Variants in ILKAP observed in about 807,000 individuals in gnomAD.
The protein encoded by ILKAP is integrin-linked kinase-associated serine/threonine phosphatase 2C.
Under a neutral mutation model 49.1 loss-of-function variants are expected in ILKAP, and 11 were observed. That is an observed-to-expected ratio of 0.22 (90% confidence interval 0.14 to 0.37). The LOEUF (loss-of-function observed/expected upper bound fraction) is 0.37, where lower values mean the gene tolerates loss of function less well. ILKAP is among the 10% of genes least tolerant of loss of function. The pLI is 1.00. For synonymous variants in ILKAP, 186 were observed against 192.8 expected, an observed-to-expected ratio of 0.96 and a Z score of 0.29; for missense variants, 363 against 510.8, an observed-to-expected ratio of 0.71 and a Z score of 2.79.
Position 238,173,568 on chromosome 2 carries a change from C to G in ILKAP, c.922G>C (p.Asp308His), listed in dbSNP as rs202222193. Residue 308 changes from aspartate (D) to histidine (H), a missense_variant, in exon 10 of 12, where the codon GAC (aspartate) becomes CAC (histidine). Physicochemically the swap from Asp to His is moderately conservative, Grantham distance 81. Around this residue, in one of 3 missense-constraint regions of ILKAP, gnomAD observed 166 missense variants for 307.3 expected, o/e 0.54. Transcript: ENST00000254654. ...GGGGTCAGCTGGCAGCGTCTGATGT[C>G]GGGCACAGAGGTGACACCGCAGCGC... ...YKRCGVTSVP[D>H]IRRCQLTPND... is the part of the protein sequence containing the mutation. 6.2e-7 allele frequency: 1 copy of G among 1,613,710 alleles called. No individual in the cohort carries two copies. The highest frequency in any genetic ancestry group is 8.5e-7 in the Non-Finnish European group (1 of 1,179,800).
intron 7 of ILKAP, 54 bp downstream of exon 7, chr2:238,183,966 T>A: frequency 8.4e-7 from 1 of 1,186,560 alleles, no homozygotes; most frequent in East Asian, 2.3e-5. Flanking sequence ...TGAAATGCAT[T>A]TAGGAAAACA....
chr2:238,184,590 C>T (rs142726658), intron 6 of ILKAP, among the ~76,000 whole-genome samples: 402 of 152,110 alleles, frequency 2.6e-3, no homozygotes, highest in Non-Finnish European at 3.9e-3. Flanking sequence ...GACTGGGTCT[C>T]ACTCTGTCAC....
At chr2:238,175,169 G>A (rs1287992668) in intron 9 of ILKAP, among the ~76,000 whole-genome samples, 1 of 151,740 alleles carries the variant, frequency 6.6e-6, no homozygotes, top group East Asian at 1.9e-4. Flanking sequence ...CCAGGCTGGA[G>A]GGCAGTGGTG....
At chr2:238,178,850 G>A (rs1253108744) in intron 9 of ILKAP, among the ~76,000 whole-genome samples, 3 of 152,116 alleles carry the variant, frequency 2.0e-5, no homozygotes, top group East Asian at 1.9e-4. Context: ...TGAAAGCAAT[G>A]GTATGATCTC....
At chr2:238,193,724 C>G (rs545704715) in intron 3 of ILKAP, among the ~76,000 whole-genome samples, 1 of 152,260 alleles carries the variant, frequency 6.6e-6, no homozygotes, top group Admixed American at 6.5e-5. Context: ...CCTGCATTCC[C>G]CACTGCCCCC....
chr2:238,175,911 G>A (rs1559288897), intron 9 of ILKAP, among the ~76,000 whole-genome samples: 1 of 151,814 alleles, frequency 6.6e-6, no homozygotes, highest in African/African-American at 2.4e-5. Flanking sequence ...CAGCCTCCAA[G>A]TGGCTGGGAC....
chr2:238,182,238 A>G (rs779306788), intron 8 of ILKAP, 52 bp from the exon 9 acceptor site: 1 of 1,603,064 alleles, frequency 6.2e-7, no homozygotes, highest in African/African-American at 1.3e-5. Context: ...CGCAGCATCT[A>G]AAGGTACCAG....
chr2:238,175,781 TTTTTTG>T (rs1403616473), intron 9 of ILKAP, among the ~76,000 whole-genome samples: 5 of 152,174 alleles, frequency 3.3e-5, no homozygotes, highest in African/African-American at 4.8e-5. Context: ...ACCGGAACTC[TTTTTTG>T]TTTTTAAGAG....
intron 10 of ILKAP, among the ~76,000 whole-genome samples, chr2:238,171,505 T>C (rs897747478): frequency 2.0e-5 from 3 of 152,204 alleles, no homozygotes; most frequent in African/African-American, 7.2e-5. Flanking sequence ...AGACAAAGGT[T>C]TAAACTACTT....
At chr2:238,174,115 T>C (rs1292377339) in intron 9 of ILKAP, among the ~76,000 whole-genome samples, 1 of 152,196 alleles carries the variant, frequency 6.6e-6, no homozygotes, top group Non-Finnish European at 1.5e-5. Flanking sequence ...ATTTGGAAAA[T>C]CCCTGAAAGT....
chr2:238,196,979 C>A (rs1275207589), intron 1 of ILKAP, among the ~76,000 whole-genome samples: 1 of 152,164 alleles, frequency 6.6e-6, no homozygotes, highest in East Asian at 1.9e-4. Context: ...AAGGTCAGGA[C>A]TGAGGTCAGC....
chr2:238,171,741 C>A (rs1395150176), intron 10 of ILKAP, among the ~76,000 whole-genome samples: 6 of 152,202 alleles, frequency 3.9e-5, no homozygotes, highest in Non-Finnish European at 8.8e-5. Flanking sequence ...TGAGCCCAGC[C>A]TCGGTGAAAC....
chr2:238,201,022 G>T (rs1236777817), intron 1 of ILKAP, among the ~76,000 whole-genome samples: 1 of 152,198 alleles, frequency 6.6e-6, no homozygotes, highest in Admixed American at 6.5e-5. Context: ...TACACTTTCT[G>T]AACAACTTTT....
At chr2:238,200,562 G>A (rs1348313626) in intron 1 of ILKAP, among the ~76,000 whole-genome samples, 1 of 152,152 alleles carries the variant, frequency 6.6e-6, no homozygotes, top group African/African-American at 2.4e-5. Context: ...GCTTACCACT[G>A]TAATCCCAGC....
intron 1 of ILKAP, among the ~76,000 whole-genome samples, chr2:238,195,863 C>CA (rs969187669): frequency 2.6e-5 from 4 of 151,038 alleles, no homozygotes; most frequent in African/African-American, 7.3e-5. Flanking sequence ...GACAACATGG[C>CA]AAAAAAATGT....
At chr2:238,184,955 T>A (rs543513248) in intron 6 of ILKAP, among the ~76,000 whole-genome samples, 4 of 152,218 alleles carry the variant, frequency 2.6e-5, no homozygotes, top group African/African-American at 9.6e-5. Flanking sequence ...CCAAAGACGA[T>A]TGACAAAAGG....
intron 9 of ILKAP, among the ~76,000 whole-genome samples, chr2:238,180,380 T>C (rs1693638898): frequency 6.6e-6 from 1 of 152,214 alleles, no homozygotes; most frequent in African/African-American, 2.4e-5. Context: ...AGAACGTCCT[T>C]ATCTTCAGGA....
chr2:238,171,090 G>A, intron 10 of ILKAP, 66 bp from the exon 11 acceptor site: 1 of 1,070,544 alleles, frequency 9.3e-7, no homozygotes, highest in East Asian at 2.4e-5. Flanking sequence ...ATAAAAAAAG[G>A]GCCTGGAGAT....
At chr2:238,187,773 T>C (rs1172026928) in intron 5 of ILKAP, among the ~76,000 whole-genome samples, 2 of 152,198 alleles carry the variant, frequency 1.3e-5, no homozygotes, top group South Asian at 2.1e-4. Context: ...AGAGCCATGC[T>C]ATGAAGCGTC....
Sources: allele counts gnomAD v4.1 joint callset (sites outside exome capture counted in the v4.1 genomes callset), GRCh38; gene constraint gnomAD v4.1.1; regional missense constraint gnomAD v4.1.1; transcripts MANE v1.5; gene names NCBI Gene and HGNC (gene_info 2026-07-23, HGNC 2026-07-21).